The following CARD14 variants were observed in gnomAD, a reference collection of about 807,000 sequenced individuals.
The protein encoded by CARD14 is caspase recruitment domain-containing protein 14.
A neutral mutation model predicts 111.5 loss-of-function variants in CARD14; 107 were observed. The observed-to-expected ratio is 0.96, with a 90% confidence interval of 0.82 to 1.13. The LOEUF (loss-of-function observed/expected upper bound fraction) is 1.13. Ranked by LOEUF, CARD14 falls within the 50% of genes most tolerant of loss-of-function variation. CARD14 has a pLI of 0.00. For synonymous variants in CARD14, 617 were observed against 579.6 expected (o/e 1.06, Z -0.93); for missense variants, 1,322 against 1,362.3 (o/e 0.97, Z 0.47).
In CARD14 at chr17:80,189,602, C is replaced by T. The variant is rs2040451644; in HGVS notation, c.844-151C>T. 1.2e-5 allele frequency: 12 copies of T among 1,025,948 alleles called. No homozygotes were observed. The highest frequency in any genetic ancestry group is 3.3e-4 in the Middle Eastern group (1 of 3,038). The allele number at this position is 1,025,948 out of a possible 1,614,324, so 63.6% of individuals were successfully genotyped here. ...TCCCAGGCATGATGGGTGGCTTTTC[C>T]GTGGCTTCTCTCCTGCCCGGTGTAG... On this transcript the variant is annotated intron_variant, in intron 8 of 23. Coordinates refer to ENST00000648509, the MANE Select transcript of CARD14 (RefSeq NM_001366385.1). This position sits in a 1 kb window ranked among gnomAD's most constrained non-coding sequence, Gnocchi z 4.7.
intron 4 of CARD14, among the ~76,000 whole-genome samples, chr17:80,180,232 G>A (rs1472169746): frequency 6.6e-6 from 1 of 152,142 alleles, no homozygotes; most frequent in Admixed American, 6.6e-5. Context: ...CCCCTGAAGA[G>A]CAGGTGTTCC....
At chr17:80,170,129 C>G (rs1007364906) in intron 1 of CARD14, 73 bp downstream of exon 1, 1 of 134,724 alleles carries the variant, frequency 7.4e-6, no homozygotes. Context: ...GGGGCTCAGC[C>G]GACACAGGTC....
intron 18 of CARD14, chr17:80,202,642 C>T: frequency 7.2e-7 from 1 of 1,388,610 alleles, no homozygotes; most frequent in Non-Finnish European, 9.4e-7. Flanking sequence ...CATTCTAGAT[C>T]TGGGTTTCTT....
intron 18 of CARD14, chr17:80,202,764 C>T (rs1567899134): frequency 1.4e-5 from 5 of 364,704 alleles, no homozygotes. Context: ...GGCCGCCCTA[C>T]CCAGGATGCC....
rs1277716550 is a variant in CARD14, at chr17:80,181,559, C to T, written c.121C>T (p.Pro41Ser). Residue 41 changes from proline to serine, a missense_variant, in exon 5 of 24, where the codon CCC becomes TCC. Transcript: ENST00000648509. ...CTGCATCTGCCCCAGCCGCCTCACC[C>T]CCTACCTGCGCCAGGCCAAGGTGCT... ...VRCICPSRLT[P>S]YLRQAKVLCQ... The T allele has an allele frequency of 6.4e-7, 1 of 1,569,128 alleles. No individual in the cohort carries two copies. Among genetic ancestry groups the T allele is most frequent in the South Asian group, 1.2e-5 (1 of 85,224 alleles).
At chr17:80,200,224 A>G (rs1181284210) in intron 16 of CARD14, among the ~76,000 whole-genome samples, 1 of 134,624 alleles carries the variant, frequency 7.4e-6, no homozygotes, top group Non-Finnish European at 1.6e-5. Flanking sequence ...CTTTCTTTAC[A>G]TGTCATTTTT....
At position 80,189,702 on chromosome 17, in the gene CARD14, G is replaced by A. The variant is rs763414901; in HGVS notation, c.844-51G>A. On this transcript the variant is annotated intron_variant, in intron 8 of 23. Transcript: ENST00000648509. This position sits in a 1 kb window ranked among gnomAD's most constrained non-coding sequence, Gnocchi z 4.7. The stretch of plus-strand genomic sequence containing the variant: ...TCTTCTCGGGATTCTGCTTGCCTAG[G>A]GCAGGCCTCTGGGGAAGCCAGCACC... 5.4e-6 allele frequency: 8 copies of A among 1,484,982 alleles called. No individual in the cohort carries two copies. Among genetic ancestry groups the A allele is most frequent in the African/African-American group, 1.5e-5 (1 of 68,238 alleles). The allele number at this position is 1,484,982 out of a possible 1,614,324, so 92.0% of individuals were successfully genotyped here.
chr17:80,206,384 C>T (rs1185790597), intron 22 of CARD14, among the ~76,000 whole-genome samples: 10 of 152,104 alleles, frequency 6.6e-5, no homozygotes, highest in African/African-American at 1.9e-4. Context: ...GAGGCCTAGG[C>T]GGGAAGATTG....
At position 80,206,990 on chromosome 17, in the gene CARD14, C is replaced by T. The variant is rs778405709; in HGVS notation, c.2712C>T (p.Asp904=). The T allele has an allele frequency of 5.0e-6, 8 of 1,612,158 alleles. No individual in the cohort carries two copies. The highest frequency in any genetic ancestry group is 3.3e-4 in the Middle Eastern group (2 of 6,058). The change falls in exon 23 of 24, where the codon GAC becomes GAT. Residue 904 remains aspartate (D), a synonymous_variant. Coordinates refer to ENST00000648509, the MANE Select transcript of CARD14 (RefSeq NM_001366385.1). ...LMEKNTHALL[D]VQLDSVCTLH... ...CAAAGAACACCCATGCCCTCCTGGA[C>T]GTCCAGCTGGACAGTGTCTGCACCC... is the stretch of plus-strand genomic sequence containing the variant.
At chr17:80,170,078 G>A (rs570080643) in intron 1 of CARD14, 22 bp downstream of exon 1, 6 of 152,410 alleles carry the variant, frequency 3.9e-5, no homozygotes, top group South Asian at 2.1e-4. Context: ...CAGTCCATCC[G>A]GCGAAGAGCA....
Position 80,203,514 on chromosome 17 carries a change from T to G in CARD14, c.2220-308T>G. The G allele has an allele frequency of 3.6e-5, 11 of 302,052 alleles. No homozygotes were observed. Among genetic ancestry groups the G allele is most frequent in the East Asian group, 1.8e-4 (3 of 16,804 alleles). 18.7% of individuals were successfully genotyped at this position (302,052 alleles called of 1,614,324 possible). A position where few individuals can be genotyped will look rare whatever the true frequency, so the allele number is the denominator to read the frequency against. On this transcript the variant is annotated intron_variant, in intron 18 of 23. Coordinates refer to ENST00000648509, the MANE Select transcript of CARD14 (RefSeq NM_001366385.1). The surrounding 1 kb of genome is among the most constrained non-coding windows in gnomAD (Gnocchi z 4.6). ...CTGCAGGCCAGGGACCCACCATGAA[T>G]ATTGAGGTCCTGGAGTGGGGCCCTG... is the stretch of plus-strand genomic sequence containing the variant.
chr17:80,204,581 G>A, intron 20 of CARD14: 1 of 428,624 alleles, frequency 2.3e-6, no homozygotes. Context: ...CCGAGATGGT[G>A]CCATTGCACT....
intron 23 of CARD14, among the ~76,000 whole-genome samples, chr17:80,207,897 T>C (rs543451732): frequency 1.3e-5 from 2 of 152,124 alleles, no homozygotes; most frequent in Admixed American, 6.5e-5. Flanking sequence ...TTACTTGGTT[T>C]CCTGGGGACA....
In CARD14 at chr17:80,195,814, G is replaced by A; in HGVS notation, c.1594+162G>A. The A allele has an allele frequency of 1.6e-6, 1 of 625,846 alleles. No individual in the cohort carries two copies. Among genetic ancestry groups the A allele is most frequent in the Non-Finnish European group, 2.8e-6 (1 of 362,392 alleles). The allele number at this position is 625,846 out of a possible 1,614,324, so 38.8% of individuals were successfully genotyped here. ...CCTTGGCCTCGACCTTGCACTTTGG[G>A]AAAGTCCCGCCTGCCAGCCAGCGTA... On this transcript the variant is annotated intron_variant, in intron 14 of 23. Coordinates refer to ENST00000648509, the MANE Select transcript of CARD14 (RefSeq NM_001366385.1). This position sits in a 1 kb window ranked among gnomAD's most constrained non-coding sequence, Gnocchi z 4.7.
Position 80,202,404 on chromosome 17 carries a change from A to G in CARD14, c.2203A>G (p.Ile735Val). 3.1e-6 allele frequency: 5 copies of G among 1,612,104 alleles called. No individual in the cohort carries two copies. Among genetic ancestry groups the G allele is most frequent in the Non-Finnish European group, 4.2e-6 (5 of 1,179,316 alleles). Residue 735 changes from isoleucine to valine, a missense_variant, in exon 18 of 24, where the codon ATC becomes GTC. Ile to Val is a conservative substitution (Grantham distance 29). Coordinates refer to ENST00000648509, the MANE Select transcript of CARD14 (RefSeq NM_001366385.1). ...TMKDTAAHGT[I>V]PNYSRAQQQL... ...GAAGGATACTGCCGCGCACGGCACC[A>G]TCCCCAACTACTCCAGGTGAGCAGC...
chr17:80,183,193 A>G (rs917729077), intron 6 of CARD14, among the ~76,000 whole-genome samples: 1 of 152,230 alleles, frequency 6.6e-6, no homozygotes, highest in African/African-American at 2.4e-5. Context: ...GGCCCCGGCC[A>G]GAGGGTACAG....
Position 80,189,029 on chromosome 17 carries a change from G to C in CARD14, c.843+485G>C, listed in dbSNP as rs567373179. Among the ~76,000 whole-genome samples the C allele has an allele frequency of 1.4e-4, 21 of 152,280 alleles. No homozygotes were observed. In the South Asian group the frequency reaches 4.4e-3, roughly 32 times the overall value. On this transcript the variant is annotated intron_variant, in intron 8 of 23. Coordinates refer to ENST00000648509, the MANE Select transcript of CARD14 (RefSeq NM_001366385.1). This position sits in a 1 kb window ranked among gnomAD's most constrained non-coding sequence, Gnocchi z 4.7. Reference sequence around the variant, plus strand: ...TCACGCCACTGCACTCCAGCCTGGCGACAGAGGGAGACCCTGTCTCAAACA... The same window carrying C: ...TCACGCCACTGCACTCCAGCCTGGCCACAGAGGGAGACCCTGTCTCAAACA...
chr17:80,180,216 G>T (rs543785621), intron 4 of CARD14, among the ~76,000 whole-genome samples: 108 of 152,244 alleles, frequency 7.1e-4, no homozygotes, highest in African/African-American at 2.3e-3. Flanking sequence ...GCACTAGCCA[G>T]CATGTCCCCT....
At chr17:80,186,679 G>T (rs995040942) in intron 7 of CARD14, among the ~76,000 whole-genome samples, 1 of 152,126 alleles carries the variant, frequency 6.6e-6, no homozygotes, top group African/African-American at 2.4e-5. Flanking sequence ...CTCCCGAGCA[G>T]CTGGGATTAT....
Sources: allele counts gnomAD v4.1 joint callset (sites outside exome capture counted in the v4.1 genomes callset), GRCh38; gene constraint gnomAD v4.1.1; non-coding constraint Gnocchi (gnomAD v3.1); transcripts MANE v1.5; gene names NCBI Gene and HGNC (gene_info 2026-07-23, HGNC 2026-07-21).